SRCIN1: variants seen among roughly 807,000 people sequenced by gnomAD.
The protein encoded by SRCIN1 is SRC kinase signaling inhibitor 1, also known as P130Cas-associated protein.
In SRCIN1, 50 loss-of-function variants were observed where a neutral mutation model predicts 116.2. The observed-to-expected ratio is 0.43, with a 90% confidence interval of 0.34 to 0.54. The LOEUF (loss-of-function observed/expected upper bound fraction) is 0.54, where lower values mean the gene tolerates loss of function less well. Among genes scored for constraint, SRCIN1 ranks in the 20% least tolerant of loss-of-function variants. SRCIN1 has a pLI of 0.02. For synonymous variants in SRCIN1, 736 were observed against 750.0 expected (o/e 0.98, Z 0.30); for missense variants, 1,446 against 1,672.0 (o/e 0.86, Z 2.36).
At chr17:38,554,829 G>A (rs1905682150) in intron 11 of SRCIN1, among the ~76,000 whole-genome samples, 1 of 152,164 alleles carries the variant, frequency 6.6e-6, no homozygotes, top group Admixed American at 6.6e-5. Context: ...ATATATTCCT[G>A]TCAAATCCCA....
rs1347899505 is a variant in SRCIN1, at chr17:38,572,718, G to A, written c.325-4487C>T. 1.3e-5 allele frequency: 2 copies of A among 152,244 alleles called. No individual in the cohort carries two copies. The highest frequency in any genetic ancestry group is 3.0e-5 in the Non-Finnish European group (2 of 67,788). 9.4% of individuals were successfully genotyped at this position (152,244 alleles called of 1,614,324 possible). A position where few individuals can be genotyped will look rare whatever the true frequency, so the allele number is the denominator to read the frequency against. On this transcript the variant is annotated intron_variant, in intron 2 of 18. Coordinates refer to ENST00000617146, the MANE Select transcript of SRCIN1 (RefSeq NM_025248.3). The surrounding 1 kb of genome is among the most constrained non-coding windows in gnomAD (Gnocchi z 4.3). ...GTCCCCAGCCCCAGGTCCTGCGTCC[G>A]GCTGGGGAGGGAGGGCCCCTACTCC...
At chr17:38,560,278 CT>C in intron 8 of SRCIN1, 54 bp downstream of exon 8, 2 of 1,539,904 alleles carry the variant, frequency 1.3e-6, no homozygotes, top group Non-Finnish European at 1.8e-6. Context: ...CCCATTTCCC[CT>C]TCCTCCTGCT....
At chr17:38,543,150 C>T (rs760601979) in intron 18 of SRCIN1, 42 of 456,568 alleles carry the variant, frequency 9.2e-5, no homozygotes, top group African/African-American at 5.2e-4. Flanking sequence ...AAAGAGATTG[C>T]GGCATCCCTG....
intron 1 of SRCIN1, among the ~76,000 whole-genome samples, chr17:38,581,122 G>A (rs553239025): frequency 1.1e-4 from 17 of 151,968 alleles, no homozygotes; most frequent in South Asian, 6.2e-4. Flanking sequence ...AGTGTGAGCC[G>A]CGGACCAGGC....
Position 38,562,080 on chromosome 17 carries a change from G to C in SRCIN1, c.1083C>G (p.Val361=). ...CCAGGATGGCGCTGGGGCTGGGGCT[G>C]ACGCCCTGGGCGGCCGGGGCGCCTC... The part of the protein sequence containing the change: ...RLGGAPAAQG[V]SPSPSAILER... The change falls in exon 7 of 19, where the codon GTC becomes GTG. Residue 361 remains valine, a synonymous_variant. Transcript: ENST00000617146. This position sits in a 1 kb window ranked among gnomAD's most constrained non-coding sequence, Gnocchi z 4.2. The C allele has an allele frequency of 6.9e-7, 1 of 1,457,342 alleles. No homozygotes were observed. Among genetic ancestry groups the C allele is most frequent in the South Asian group, 1.3e-5 (1 of 75,350 alleles). The allele number at this position is 1,457,342 out of a possible 1,614,324, so 90.3% of individuals were successfully genotyped here.
intron 1 of SRCIN1, among the ~76,000 whole-genome samples, chr17:38,584,057 A>G (rs1367629252): frequency 6.6e-6 from 1 of 152,182 alleles, no homozygotes; most frequent in Non-Finnish European, 1.5e-5. Flanking sequence ...CCAGCCCTGC[A>G]CAGATCAATG....
In SRCIN1 at chr17:38,605,707, G is replaced by C. The variant is rs1425892231; in HGVS notation, c.-2C>G. On this transcript the variant is annotated 5_prime_UTR_variant, in exon 1 of 19. Coordinates refer to ENST00000617146, the MANE Select transcript of SRCIN1 (RefSeq NM_025248.3). ...GCCTTGGGACGGAGCGTTCCCCATC[G>C]GGCGGGGGCGCGGGGGGCGGGGGCC... 8.1e-7 allele frequency: 1 copy of C among 1,228,532 alleles called. No individual in the cohort carries two copies. The highest frequency in any genetic ancestry group is 1.0e-6 in the Non-Finnish European group (1 of 976,978). The allele number at this position is 1,228,532 out of a possible 1,614,324, so 76.1% of individuals were successfully genotyped here. A position where few individuals can be genotyped will look rare whatever the true frequency, so the allele number is the denominator to read the frequency against.
rs752486934 is a variant in SRCIN1 at position 38,562,931 on chromosome 17, C to T, written c.741-11G>A. ...CGGTCCTGGATGTCCCTGGGAGAGG[C>T]GGGGAGACGGGGGTCACCACCCATC... is the stretch of plus-strand genomic sequence containing the variant. On this transcript the variant is annotated splice_polypyrimidine_tract_variant and intron_variant, in intron 5 of 18. Transcript: ENST00000617146. The surrounding 1 kb of genome is among the most constrained non-coding windows in gnomAD (Gnocchi z 4.2). 3.7e-6 allele frequency: 6 copies of T among 1,604,102 alleles called. No homozygotes were observed. The highest frequency in any genetic ancestry group is 1.7e-5 in the Admixed American group (1 of 59,566).
At chr17:38,576,740 G>C (rs1907443527) in intron 2 of SRCIN1, among the ~76,000 whole-genome samples, 1 of 151,464 alleles carries the variant, frequency 6.6e-6, no homozygotes, top group African/African-American at 2.4e-5. Flanking sequence ...TCTCCCTGTC[G>C]CCCAGGTGTT....
intron 9 of SRCIN1, 102 bp from the exon 10 acceptor site, chr17:38,559,874 C>A: frequency 7.0e-7 from 1 of 1,418,482 alleles, no homozygotes; most frequent in Admixed American, 2.4e-5. Flanking sequence ...CACACAGTAG[C>A]CAGAGAAGCC....
chr17:38,588,369 A>C (rs1427235308), intron 1 of SRCIN1, among the ~76,000 whole-genome samples: 3 of 152,268 alleles, frequency 2.0e-5, no homozygotes, highest in African/African-American at 7.2e-5. Context: ...CAGCCCTGGC[A>C]TGTGCCCACG....
Position 38,552,554 on chromosome 17 carries a change from C to T in SRCIN1, c.2373G>A (p.Leu791=), listed in dbSNP as rs754679223. 3 of 1,609,582 alleles carry T rather than the reference C, an allele frequency of 1.9e-6. No individual in the cohort carries two copies. Among genetic ancestry groups the T allele is most frequent in the Non-Finnish European group, 2.5e-6 (3 of 1,178,236 alleles). ...PGLQSKMRVV[L]RVEVEAVKFL... ...ACTTCACCGCCTCCACCTCCACGCG[C>T]AGCACCACCCGCATCTTGCTCTGCA... The change falls in exon 13 of 19, where the codon CTG becomes CTA. Residue 791 remains leucine, a synonymous_variant. Transcript: ENST00000617146. The surrounding 1 kb of genome is among the most constrained non-coding windows in gnomAD (Gnocchi z 5.3).
At chr17:38,591,010 T>A (rs1480465429) in intron 1 of SRCIN1, among the ~76,000 whole-genome samples, 1 of 152,166 alleles carries the variant, frequency 6.6e-6, no homozygotes, top group Non-Finnish European at 1.5e-5. Flanking sequence ...CACCCCCAGA[T>A]CACAGAAACT....
intron 1 of SRCIN1, among the ~76,000 whole-genome samples, chr17:38,595,216 T>C (rs941676044): frequency 1.4e-4 from 22 of 152,062 alleles, no homozygotes; most frequent in Admixed American, 3.3e-4. Flanking sequence ...CAATAAGTCT[T>C]TCCCCGCCGC....
intron 18 of SRCIN1, chr17:38,541,471 G>A (rs1904738727): frequency 6.6e-6 from 1 of 152,294 alleles, no homozygotes; most frequent in Non-Finnish European, 1.5e-5. Context: ...GGAGCATTAT[G>A]TCTGGACACA....
chr17:38,569,228 C>T (rs1906916714), intron 2 of SRCIN1, among the ~76,000 whole-genome samples: 1 of 152,182 alleles, frequency 6.6e-6, no homozygotes. Flanking sequence ...ACCAGAAGGC[C>T]CTTCCAGATG....
chr17:38,563,844 G>A lies in SRCIN1; in HGVS notation c.541+274C>T, dbSNP rs1017123392. ...GAGAGAGAGGTTGGAGAGAGTTAGA[G>A]AAGGGAGATGGGAGAGAAGGGAGGG... is the stretch of plus-strand genomic sequence containing the variant. On this transcript the variant is annotated intron_variant, in intron 4 of 18. Transcript: ENST00000617146. The surrounding 1 kb of genome is among the most constrained non-coding windows in gnomAD (Gnocchi z 5.8). 3.7e-5 allele frequency: 23 copies of A among 617,960 alleles called. No individual in the cohort carries two copies. The Admixed American group carries it at 6.0e-4, about 16-fold the overall frequency. 38.3% of individuals were successfully genotyped at this position (617,960 alleles called of 1,614,324 possible). A position where few individuals can be genotyped will look rare whatever the true frequency, so the allele number is the denominator to read the frequency against.
rs1237974078 is a variant in SRCIN1 at position 38,602,953 on chromosome 17, G to T, written c.22+2731C>A. ...AACCTAACCTGGGGTGGGGGTGGGG[G>T]CTCAACAAACTGGGTACTTCAAAGA... On this transcript the variant is annotated intron_variant, in intron 1 of 18. Coordinates refer to ENST00000617146, the MANE Select transcript of SRCIN1 (RefSeq NM_025248.3). The surrounding 1 kb of genome is among the most constrained non-coding windows in gnomAD (Gnocchi z 4.2). Among the ~76,000 whole-genome samples, 2 of 150,812 alleles carry T rather than the reference G, an allele frequency of 1.3e-5. No homozygotes were observed. The highest frequency in any genetic ancestry group is 3.3e-3 in the Middle Eastern group (1 of 300).
At chr17:38,534,047 C>T (rs1175236337) in intron 18 of SRCIN1, among the ~76,000 whole-genome samples, 1 of 152,162 alleles carries the variant, frequency 6.6e-6, no homozygotes, top group Non-Finnish European at 1.5e-5. Flanking sequence ...TGCAGGAGGC[C>T]CCACTGCATG....
Sources: allele counts gnomAD v4.1 joint callset (sites outside exome capture counted in the v4.1 genomes callset), GRCh38; gene constraint gnomAD v4.1.1; non-coding constraint Gnocchi (gnomAD v3.1); transcripts MANE v1.5; gene names NCBI Gene and HGNC (gene_info 2026-07-23, HGNC 2026-07-21).